Variants in PLEKHD1 observed in about 807,000 individuals in gnomAD.
The protein encoded by PLEKHD1 is pleckstrin homology and coiled-coil domain containing D1, also known as pleckstrin homology domain-containing family D member 1.
Under a neutral mutation model 69.2 loss-of-function variants are expected in PLEKHD1, and 51 were observed. The ratio of observed to expected loss-of-function variants is 0.74; its 90% CI spans 0.59 to 0.93. The LOEUF (loss-of-function observed/expected upper bound fraction) is 0.93, where lower values mean the gene tolerates loss of function less well. PLEKHD1 is among the 40% of genes least tolerant of loss of function. PLEKHD1 has a pLI of 0.00. For synonymous variants in PLEKHD1, 236 were observed against 244.7 expected, an observed-to-expected ratio of 0.96 and a Z score of 0.33; for missense variants, 584 against 641.0, an observed-to-expected ratio of 0.91 and a Z score of 0.96.
Position 69,528,270 on chromosome 14 carries a change from A to G in PLEKHD1, c.1372A>G (p.Met458Val). The change falls in exon 13 of 13, where the codon ATG (methionine) becomes GTG (valine). Residue 458 changes from methionine to valine, a missense_variant. By Grantham distance (21) the Met-to-Val change is conservative. Coordinates refer to ENST00000322564, the MANE Select transcript of PLEKHD1 (RefSeq NM_001161498.2). ...CCCAGTGAAGCCGTCCCAGTCCTTC[A>G]TGACCTCCCAGCTGGATGCCAACAA... Reference protein sequence around the residue: ...WNDMKPSQSFMTSQLDANNME... With the variant: ...WNDMKPSQSFVTSQLDANNME... The G allele has an allele frequency of 1.3e-6, 2 of 1,551,686 alleles. No individual in the cohort carries two copies. The highest frequency in any genetic ancestry group is 1.7e-6 in the Non-Finnish European group (2 of 1,146,984).
intron 7 of PLEKHD1, among the ~76,000 whole-genome samples, chr14:69,523,349 T>G (rs1386971396): frequency 6.6e-6 from 1 of 152,200 alleles, no homozygotes; most frequent in African/African-American, 2.4e-5. Flanking sequence ...CTCATCATTA[T>G]CATCACCACA....
At chr14:69,511,135 TTTG>T (rs1265096088) in intron 6 of PLEKHD1, among the ~76,000 whole-genome samples, 1 of 151,294 alleles carries the variant, frequency 6.6e-6, no homozygotes, top group Non-Finnish European at 1.5e-5. Flanking sequence ...TTTGGTTTTC[TTTG>T]TTTTGTTTGT....
chr14:69,521,401 C>T (rs1030370739), intron 6 of PLEKHD1, among the ~76,000 whole-genome samples: 2 of 152,198 alleles, frequency 1.3e-5, no homozygotes, highest in Non-Finnish European at 1.5e-5. Context: ...TCCATATAGA[C>T]AGCCTCCCTC....
intron 5 of PLEKHD1, 42 bp from the exon 6 acceptor site, chr14:69,502,785 C>T: frequency 6.4e-7 from 1 of 1,550,602 alleles, no homozygotes; most frequent in South Asian, 1.2e-5. Context: ...GAGCACTTTC[C>T]TGATTGTGTG....
At position 69,526,091 on chromosome 14, in the gene PLEKHD1, C is replaced by G; in HGVS notation, c.892C>G (p.Leu298Val). Residue 298 changes from leucine to valine, a missense_variant, in exon 9 of 13, where the codon CTC (leucine) becomes GTC (valine). By Grantham distance (32) the Leu-to-Val change is conservative. Transcript: ENST00000322564. ...GCAGATCGAGGAGAAGATGCAGCAGCTCTTAGAGGAGAAGCTCCTGGCAGA... is the reference window on the plus strand; with the variant it reads ...GCAGATCGAGGAGAAGATGCAGCAGGTCTTAGAGGAGAAGCTCCTGGCAGA... ...LRQIEEKMQQLLEEKLLAEKR... is the reference protein window; with the variant it reads ...LRQIEEKMQQVLEEKLLAEKR... 6.4e-7 allele frequency: 1 copy of G among 1,551,176 alleles called. No homozygotes were observed. Among genetic ancestry groups the G allele is most frequent in the South Asian group, 1.2e-5 (1 of 83,970 alleles).
intron 1 of PLEKHD1, among the ~76,000 whole-genome samples, chr14:69,495,552 A>C (rs1262313126): frequency 1.3e-5 from 2 of 152,248 alleles, no homozygotes; most frequent in African/African-American, 4.8e-5. Context: ...TAAGTGCATT[A>C]ATAGCAGTAA....
chr14:69,520,875 C>G (rs78164552), intron 6 of PLEKHD1, among the ~76,000 whole-genome samples: 3,851 of 152,330 alleles, frequency 0.025, 73 homozygotes, highest in Middle Eastern at 0.058. Flanking sequence ...AAGTAACACA[C>G]TTCTGCTCTC....
At chr14:69,468,814 C>T in the PLEKHD1 span, among the ~76,000 whole-genome samples, 13 of 152,304 alleles carry the variant, frequency 8.5e-5, 1 homozygote, top group East Asian at 1.5e-3. Flanking sequence ...CTCCTGATCT[C>T]AAGCCATCCT....
chr14:69,505,733 G>A (rs779454333), intron 6 of PLEKHD1, among the ~76,000 whole-genome samples: 5 of 152,360 alleles, frequency 3.3e-5, no homozygotes, highest in Non-Finnish European at 7.3e-5. Context: ...AGGCCCTTGT[G>A]CACTGTGTGA....
At position 69,529,570 on chromosome 14, in the gene PLEKHD1, A is replaced by G; in HGVS notation, c.*1151A>G. 6.5e-6 allele frequency: 1 copy of G among 152,724 alleles called. No individual in the cohort carries two copies. The highest frequency in any genetic ancestry group is 1.5e-5 in the Non-Finnish European group (1 of 68,414). 9.5% of individuals were successfully genotyped at this position (152,724 alleles called of 1,614,324 possible). On this transcript the variant is annotated 3_prime_UTR_variant, in exon 13 of 13. Coordinates refer to ENST00000322564, the MANE Select transcript of PLEKHD1 (RefSeq NM_001161498.2). ...GTCTCAAACAAACACAAGGAAAACAAGCTCAGGAGTGAAGGAAAGTCACTC... is the reference window on the plus strand; with the variant it reads ...GTCTCAAACAAACACAAGGAAAACAGGCTCAGGAGTGAAGGAAAGTCACTC...
intron 6 of PLEKHD1, among the ~76,000 whole-genome samples, chr14:69,506,023 T>G (rs192594399): frequency 1.3e-4 from 20 of 152,314 alleles, no homozygotes; most frequent in African/African-American, 4.3e-4. Context: ...AGGGCAGGGT[T>G]TCTGGCAAGG....
chr14:69,514,365 T>G (rs1883335571), intron 6 of PLEKHD1, among the ~76,000 whole-genome samples: 1 of 152,130 alleles, frequency 6.6e-6, no homozygotes, highest in Non-Finnish European at 1.5e-5. Context: ...CTCGCAATGA[T>G]CCCATCATAA....
chr14:69,484,569 G>T (rs533950127), upstream of PLEKHD1: 797 of 160,838 alleles, frequency 5.0e-3, 8 homozygotes, highest in African/African-American at 0.018. Context: ...TCCAGCCGGC[G>T]CCCGCCCTGA....
chr14:69,496,700 T>A lies in PLEKHD1; in HGVS notation c.150-3415T>A, dbSNP rs760515062. ...ACAGGCATGTACCACCATGCCCAGC[T>A]AATTTTTTTTTTTTTTTTTTTTTTA... On this transcript the variant is annotated intron_variant, in intron 1 of 12. Transcript: ENST00000322564. Among the ~76,000 whole-genome samples the A allele has an allele frequency of 4.8e-3, 618 of 128,524 alleles. 5 individuals are homozygous for A. The highest frequency in any genetic ancestry group is 7.9e-3 in the Middle Eastern group (2 of 254). 84.3% of individuals were successfully genotyped at this position (128,524 alleles called of 152,430 possible).
intron 6 of PLEKHD1, among the ~76,000 whole-genome samples, chr14:69,504,109 T>C (rs1883098929): frequency 6.6e-6 from 1 of 152,222 alleles, no homozygotes; most frequent in African/African-American, 2.4e-5. Context: ...ATCTTAGGGA[T>C]GTTGTGATGA....
chr14:69,475,462 G>A, the PLEKHD1 span, among the ~76,000 whole-genome samples: 1 of 152,136 alleles, frequency 6.6e-6, no homozygotes, highest in Non-Finnish European at 1.5e-5. Context: ...TGGTTTTCCA[G>A]CCACTCCCAA....
intron 1 of PLEKHD1, among the ~76,000 whole-genome samples, chr14:69,485,556 C>T (rs1882638096): frequency 7.5e-6 from 1 of 133,120 alleles, no homozygotes; most frequent in African/African-American, 2.8e-5. Context: ...GTCTCCCTCC[C>T]GCCAACCACC....
At chr14:69,495,632 C>T (rs1882871686) in intron 1 of PLEKHD1, among the ~76,000 whole-genome samples, 1 of 152,204 alleles carries the variant, frequency 6.6e-6, no homozygotes, top group South Asian at 2.1e-4. Context: ...TTGTCATTAC[C>T]ATGGCCATAG....
intron 6 of PLEKHD1, among the ~76,000 whole-genome samples, chr14:69,512,578 A>C (rs1883294422): frequency 6.6e-6 from 1 of 151,962 alleles, no homozygotes; most frequent in Non-Finnish European, 1.5e-5. Context: ...AATTTTGATG[A>C]GTTGTATTTT....
Sources: allele counts gnomAD v4.1 joint callset (sites outside exome capture counted in the v4.1 genomes callset), GRCh38; gene constraint gnomAD v4.1.1; transcripts MANE v1.5; gene names NCBI Gene and HGNC (gene_info 2026-07-23, HGNC 2026-07-21).